IMMP1L: variants seen among roughly 807,000 people sequenced by gnomAD.
The protein encoded by IMMP1L is mitochondrial inner membrane protease subunit 1.
IMMP1L carries 24 observed loss-of-function variants against 21.8 expected under a neutral mutation model. The observed-to-expected ratio is 1.10, with a 90% confidence interval of 0.80 to 1.55. The LOEUF is 1.55. Among genes scored for constraint, IMMP1L ranks in the 40% most tolerant of loss-of-function variants. The pLI, the probability that IMMP1L is intolerant of heterozygous loss-of-function variation, is 0.00. For missense variants in IMMP1L, 195 were observed against 200.7 expected (o/e 0.97, Z 0.17); for synonymous variants, 46 against 62.8 (o/e 0.73, Z 1.26).
At chr11:31,477,598 T>G in intron 1 of IMMP1L, 1 of 971,650 alleles carries the variant, frequency 1.0e-6, no homozygotes, top group East Asian at 1.1e-4. Flanking sequence ...TGGGAAAGGA[T>G]TAGTTCTCAG....
chr11:31,437,470 A>T (rs1953164480), intron 4 of IMMP1L, among the ~76,000 whole-genome samples: 1 of 152,182 alleles, frequency 6.6e-6, no homozygotes, highest in Non-Finnish European at 1.5e-5. Flanking sequence ...CAGATTAGGG[A>T]TGCTCAACCC....
chr11:31,444,800 C>T (rs1016752176), intron 4 of IMMP1L, among the ~76,000 whole-genome samples: 7 of 151,990 alleles, frequency 4.6e-5, no homozygotes, highest in African/African-American at 1.2e-4. Context: ...ATGCTGGTCT[C>T]GAACTTAAAT....
At chr11:31,490,334 T>A (rs1462240766) in intron 1 of IMMP1L, among the ~76,000 whole-genome samples, 2 of 151,912 alleles carry the variant, frequency 1.3e-5, no homozygotes, top group Non-Finnish European at 2.9e-5. Flanking sequence ...TAGCCGGGCA[T>A]CGTGGCGCGC....
At position 31,470,194 on chromosome 11, in the gene IMMP1L, A is replaced by G. The variant is rs150106066; in HGVS notation, c.-29-6889T>C. ...TTTGGGAGGCCAAGGTGGGCAGATC[A>G]CCTGATGTCGGGAGTTCGAGAGCAG... On this transcript the variant is annotated intron_variant, in intron 1 of 5. Transcript: ENST00000532287. Among the ~76,000 whole-genome samples, 833 of 152,252 alleles carry G rather than the reference A, an allele frequency of 5.5e-3. 4 individuals carry two copies. Among genetic ancestry groups the G allele is most frequent in the South Asian group, 0.011 (53 of 4,824 alleles).
intron 1 of IMMP1L, among the ~76,000 whole-genome samples, chr11:31,466,214 A>G (rs751435152): frequency 6.6e-6 from 1 of 152,148 alleles, no homozygotes; most frequent in Non-Finnish European, 1.5e-5. Flanking sequence ...ATCAGGTATC[A>G]TCTTACCACA....
At chr11:31,463,081 C>T in intron 2 of IMMP1L, 91 bp downstream of exon 2, 1 of 949,660 alleles carries the variant, frequency 1.1e-6, no homozygotes, top group Non-Finnish European at 1.5e-6. Flanking sequence ...TAAATAACTT[C>T]AACTAGGTTT....
intron 1 of IMMP1L, among the ~76,000 whole-genome samples, chr11:31,480,278 A>G (rs1489343602): frequency 3.3e-5 from 5 of 152,100 alleles, no homozygotes; most frequent in African/African-American, 1.2e-4. Context: ...GAATATTCAC[A>G]AAATAAAAAG....
intron 1 of IMMP1L, among the ~76,000 whole-genome samples, chr11:31,498,228 T>C (rs1428716080): frequency 6.6e-6 from 1 of 152,218 alleles, no homozygotes; most frequent in East Asian, 1.9e-4. Flanking sequence ...TTTAATGTTA[T>C]TCTTTGAACC....
intron 4 of IMMP1L, among the ~76,000 whole-genome samples, chr11:31,435,539 C>T (rs1364431242): frequency 6.6e-6 from 1 of 152,174 alleles, no homozygotes; most frequent in Non-Finnish European, 1.5e-5. Flanking sequence ...ACCACAATTA[C>T]TTTTGCACCA....
At chr11:31,452,611 TTA>T (rs1259377919) in intron 4 of IMMP1L, 1 of 985,850 alleles carries the variant, frequency 1.0e-6, no homozygotes, top group Non-Finnish European at 1.2e-6. Flanking sequence ...ATGTCTGAGC[TTA>T]TGACAATTTG....
At chr11:31,494,401 C>A (rs1350354594) in intron 1 of IMMP1L, among the ~76,000 whole-genome samples, 2 of 152,206 alleles carry the variant, frequency 1.3e-5, no homozygotes, top group African/African-American at 2.4e-5. Flanking sequence ...GGATGCAGGA[C>A]ACCATGCCCC....
intron 4 of IMMP1L, among the ~76,000 whole-genome samples, chr11:31,434,554 T>C (rs1256605361): frequency 6.6e-6 from 1 of 152,176 alleles, no homozygotes; most frequent in African/African-American, 2.4e-5. Context: ...TGTAAACCTT[T>C]TATGAAGAAA....
rs1394467444 is a variant in IMMP1L at position 31,452,967 on chromosome 11, G to C, written c.321+3293C>G. ...GGGTTTCACCATGCTGGGCAGGCTG[G>C]TCTCAAACTCTTGACCTCAGGTGAT... On this transcript the variant is annotated intron_variant, in intron 4 of 5. Coordinates refer to ENST00000532287, the MANE Select transcript of IMMP1L (RefSeq NM_001304274.2). The C allele has an allele frequency of 4.3e-5, 36 of 842,130 alleles. 1 individual carries two copies. In the South Asian group the frequency reaches 5.3e-4, roughly 12 times the overall value. 52.2% of individuals were successfully genotyped at this position (842,130 alleles called of 1,614,324 possible). A position where few individuals can be genotyped will look rare whatever the true frequency, so the allele number is the denominator to read the frequency against.
chr11:31,433,458 A>T lies in IMMP1L; in HGVS notation c.432+2T>A. On this transcript the variant is annotated splice_donor_variant, in intron 5 of 5. Coordinates refer to ENST00000532287, the MANE Select transcript of IMMP1L (RefSeq NM_001304274.2). LOFTEE classifies it high-confidence loss of function. Reference sequence around the variant, plus strand: ...CCTTACATTTTAAGCAGAAAATGGTACCTTAAAGAAGATTCGTCCTCTTAT... The same window carrying T: ...CCTTACATTTTAAGCAGAAAATGGTTCCTTAAAGAAGATTCGTCCTCTTAT... 2 of 1,504,628 alleles carry T rather than the reference A, an allele frequency of 1.3e-6. No homozygotes were observed. The highest frequency in any genetic ancestry group is 1.8e-6 in the Non-Finnish European group (2 of 1,099,610). The allele number at this position is 1,504,628 out of a possible 1,614,324, so 93.2% of individuals were successfully genotyped here.
chr11:31,433,198 G>A (rs974539763), intron 5 of IMMP1L, among the ~76,000 whole-genome samples: 1 of 152,140 alleles, frequency 6.6e-6, no homozygotes, highest in Non-Finnish European at 1.5e-5. Context: ...GTACAAGAGA[G>A]AACTGAACTT....
chr11:31,496,292 A>G (rs972932027), intron 1 of IMMP1L, among the ~76,000 whole-genome samples: 2 of 152,256 alleles, frequency 1.3e-5, no homozygotes, highest in Admixed American at 1.3e-4. Flanking sequence ...CATATGCATT[A>G]GGATGACTAT....
chr11:31,437,375 AGTC>A (rs768691680), intron 4 of IMMP1L, among the ~76,000 whole-genome samples: 47 of 152,272 alleles, frequency 3.1e-4, no homozygotes, highest in Admixed American at 9.2e-4. Flanking sequence ...CGTCATGTGA[AGTC>A]ATATGTGGAA....
At chr11:31,493,205 A>G (rs1020248343) in intron 1 of IMMP1L, among the ~76,000 whole-genome samples, 6 of 152,210 alleles carry the variant, frequency 3.9e-5, no homozygotes, top group Non-Finnish European at 7.3e-5. Context: ...GGTAATTTAT[A>G]AAGAACAGAG....
chr11:31,478,197 A>G (rs1954784958), intron 1 of IMMP1L, among the ~76,000 whole-genome samples: 1 of 152,230 alleles, frequency 6.6e-6, no homozygotes, highest in African/African-American at 2.4e-5. Context: ...TTGTATAGAC[A>G]GCCTGTGCTC....
Sources: gnomAD v4.1 joint callset for allele counts (sites outside exome capture counted in the v4.1 genomes callset) on GRCh38, gnomAD v4.1.1 for gene constraint, MANE v1.5 for transcripts, NCBI Gene and HGNC (gene_info 2026-07-23, HGNC 2026-07-21) for gene names.